Variants in UMAD1 observed in about 807,000 individuals in gnomAD.
UMAD1 encodes UBAP1-MVB12-associated (UMA) domain containing 1, also known as UBAP1-MVB12-associated (UMA)-domain containing protein 1.
A neutral mutation model predicts 6.1 loss-of-function variants in UMAD1; 8 were observed. The ratio of observed to expected loss-of-function variants is 1.30; its 90% confidence interval spans 0.76 to 2.35. UMAD1 has a LOEUF of 2.35. UMAD1 is among the 30% of genes most tolerant of loss of function. The pLI is 0.00. For synonymous variants in UMAD1, 56 were observed against 31.4 expected, an observed-to-expected ratio of 1.78 and a Z score of -2.61; for missense variants, 130 against 78.4, an observed-to-expected ratio of 1.66 and a Z score of -2.49.
intron 3 of UMAD1, among the ~76,000 whole-genome samples, chr7:7,827,339 G>A (rs1184600528): frequency 2.0e-5 from 3 of 152,036 alleles, no homozygotes; most frequent in Admixed American, 2.0e-4. Flanking sequence ...GTCTGCAAAA[G>A]GTAGATTAGT....
At chr7:7,656,444 C>A (rs763186936) in intron 1 of UMAD1, among the ~76,000 whole-genome samples, 11 of 152,078 alleles carry the variant, frequency 7.2e-5, no homozygotes, top group Non-Finnish European at 1.3e-4. Context: ...TTAGGTATTT[C>A]TTCTAATGCT....
At chr7:7,660,371 T>A (rs1785444516) in intron 1 of UMAD1, among the ~76,000 whole-genome samples, 1 of 152,210 alleles carries the variant, frequency 6.6e-6, no homozygotes, top group Non-Finnish European at 1.5e-5. Flanking sequence ...TTTTTCCAGT[T>A]AGTTGATGCA....
chr7:7,845,711 A>G (rs183652030), intron 3 of UMAD1, among the ~76,000 whole-genome samples: 1 of 152,192 alleles, frequency 6.6e-6, no homozygotes, highest in East Asian at 1.9e-4. Context: ...CCCTATGAAA[A>G]CCTTACATAC....
intron 3 of UMAD1, among the ~76,000 whole-genome samples, chr7:7,868,935 C>T (rs950984754): frequency 6.6e-6 from 1 of 152,224 alleles, no homozygotes; most frequent in South Asian, 2.1e-4. Flanking sequence ...ATTTAATGAG[C>T]ACTTTGTATA....
intron 2 of UMAD1, among the ~76,000 whole-genome samples, chr7:7,771,458 A>T (rs1281471612): frequency 6.6e-6 from 1 of 152,164 alleles, no homozygotes; most frequent in Non-Finnish European, 1.5e-5. Context: ...CTCTTTGCTG[A>T]TTGAGGTGAT....
intron 1 of UMAD1, among the ~76,000 whole-genome samples, chr7:7,662,836 A>G (rs931368773): frequency 6.6e-6 from 1 of 152,162 alleles, no homozygotes; most frequent in Non-Finnish European, 1.5e-5. Context: ...TGGTGTTTAG[A>G]TTTTGTTGAA....
intron 3 of UMAD1, among the ~76,000 whole-genome samples, chr7:7,859,420 T>C (rs1030117787): frequency 6.6e-6 from 1 of 152,234 alleles, no homozygotes; most frequent in Non-Finnish European, 1.5e-5. Flanking sequence ...CTTTGGAATA[T>C]CTTTCTGAAT....
At chr7:7,689,792 G>A (rs1458580559) in intron 2 of UMAD1, among the ~76,000 whole-genome samples, 1 of 152,060 alleles carries the variant, frequency 6.6e-6, no homozygotes, top group African/African-American at 2.4e-5. Context: ...CATTTTGAAT[G>A]GTATACTCAC....
intron 2 of UMAD1, among the ~76,000 whole-genome samples, chr7:7,779,621 TTTTCCTTTA>T (rs1288996986): frequency 6.6e-6 from 1 of 152,072 alleles, no homozygotes; most frequent in Non-Finnish European, 1.5e-5. Flanking sequence ...CTTCATTTTC[TTTTCCTTTA>T]TTTCCTTTAT....
At chr7:7,703,006 C>T (rs775303684) in intron 2 of UMAD1, among the ~76,000 whole-genome samples, 9 of 152,314 alleles carry the variant, frequency 5.9e-5, no homozygotes, top group Middle Eastern at 3.4e-3. Flanking sequence ...TGCGAGCAGG[C>T]AGAGCAGAAT....
intron 2 of UMAD1, among the ~76,000 whole-genome samples, chr7:7,759,580 A>G (rs1389449998): frequency 6.6e-6 from 1 of 152,162 alleles, no homozygotes; most frequent in African/African-American, 2.4e-5. Context: ...TAAAATTGTA[A>G]ATGGGAAAAG....
At chr7:7,791,460 A>T (rs1782565724) in intron 2 of UMAD1, among the ~76,000 whole-genome samples, 1 of 152,248 alleles carries the variant, frequency 6.6e-6, no homozygotes, top group African/African-American at 2.4e-5. Context: ...ATCTTTCAAG[A>T]TGCAGATTTG....
rs971991439 is a variant in UMAD1, at chr7:7,805,697, G to A, written c.156+3954G>A. 2.0e-5 allele frequency among the ~76,000 whole-genome samples: 3 copies of A among 152,036 alleles called. No homozygotes were observed. In the East Asian group the frequency reaches 5.8e-4, roughly 29 times the overall value. On this transcript the variant is annotated intron_variant, in intron 3 of 3. Coordinates refer to ENST00000682710, the MANE Select transcript of UMAD1 (RefSeq NM_001302348.2). ...CATCCCCATCCACCAGCCACCTGCC[G>A]TTCTGTCTCTTGATGATGTTAAGCC...
At chr7:7,866,048 A>G (rs1784219347) in intron 3 of UMAD1, among the ~76,000 whole-genome samples, 1 of 152,218 alleles carries the variant, frequency 6.6e-6, no homozygotes, top group African/African-American at 2.4e-5. Flanking sequence ...TGCATTTAAT[A>G]CCATCCATAG....
intron 3 of UMAD1, among the ~76,000 whole-genome samples, chr7:7,875,472 A>G (rs769127755): frequency 4.6e-5 from 7 of 152,196 alleles, no homozygotes; most frequent in African/African-American, 7.2e-5. Context: ...AAGAGAGAAG[A>G]ATCAAATAGA....
At chr7:7,768,726 A>G (rs1186826356) in intron 2 of UMAD1, among the ~76,000 whole-genome samples, 1 of 152,134 alleles carries the variant, frequency 6.6e-6, no homozygotes, top group Admixed American at 6.5e-5. Context: ...TGCCTGGTAT[A>G]TATTAGATAT....
At chr7:7,864,233 T>C (rs1784181767) in intron 3 of UMAD1, among the ~76,000 whole-genome samples, 1 of 152,230 alleles carries the variant, frequency 6.6e-6, no homozygotes, top group Admixed American at 6.5e-5. Flanking sequence ...TAAGTTGCTA[T>C]GGTATATTTG....
chr7:7,877,001 T>G (rs961864517), intron 3 of UMAD1, among the ~76,000 whole-genome samples: 4 of 152,178 alleles, frequency 2.6e-5, no homozygotes, highest in Admixed American at 6.5e-5. Context: ...GGAGACAGAA[T>G]TTGCAGACAT....
chr7:7,653,831 G>A lies in UMAD1; in HGVS notation c.-64+13010G>A, dbSNP rs570737131. Among the ~76,000 whole-genome samples the A allele has an allele frequency of 3.3e-5, 5 of 152,320 alleles. No homozygotes were observed. The East Asian group carries it at 9.6e-4, about 29-fold the overall frequency. On this transcript the variant is annotated intron_variant, in intron 1 of 3. Transcript: ENST00000682710. ...TCTGCAGGCATTTTTGGTTGTCACAGCTGGGGGATAGGAAGGCACTTAGTG... is the reference window on the plus strand; with the variant it reads ...TCTGCAGGCATTTTTGGTTGTCACAACTGGGGGATAGGAAGGCACTTAGTG...
Sources: allele counts gnomAD v4.1 joint callset (sites outside exome capture counted in the v4.1 genomes callset), GRCh38; gene constraint gnomAD v4.1.1; transcripts MANE v1.5; gene names NCBI Gene and HGNC (gene_info 2026-07-23, HGNC 2026-07-21).